Variants in SGMS1 observed in about 807,000 individuals in gnomAD.
The protein encoded by SGMS1 is sphingomyelin synthase 1.
Under a neutral mutation model 46.2 loss-of-function variants are expected in SGMS1, and 13 were observed. That is an observed-to-expected ratio of 0.28 (90% CI 0.18 to 0.45). The LOEUF (loss-of-function observed/expected upper bound fraction) is 0.45, where lower values mean the gene tolerates loss of function less well. Among genes scored for constraint, SGMS1 ranks in the 20% least tolerant of loss-of-function variants. The probability of loss-of-function intolerance (pLI) is 1.00; values close to 1 mark genes in which losing one functional copy is unlikely to be tolerated. For missense variants in SGMS1, 324 were observed against 519.9 expected (o/e 0.62, Z 3.66); for synonymous variants, 203 against 187.8 (o/e 1.08, Z -0.66).
At chr10:50,624,539 A>T, upstream of SGMS1, 4 of 965,442 alleles carry the variant, frequency 4.1e-6, no homozygotes, top group Non-Finnish European at 4.9e-6. Flanking sequence ...ACGGAGGCGC[A>T]AGAGCTCTAA....
intron 3 of SGMS1, among the ~76,000 whole-genome samples, chr10:50,479,615 A>T (rs552023815): frequency 8.1e-4 from 124 of 152,226 alleles, no homozygotes; most frequent in African/African-American, 2.9e-3. Flanking sequence ...AATAGATTTC[A>T]TTGACAAATA....
intron 3 of SGMS1, among the ~76,000 whole-genome samples, chr10:50,514,067 C>CA (rs936575884): frequency 4.0e-5 from 6 of 151,438 alleles, no homozygotes; most frequent in East Asian, 1.9e-4. Flanking sequence ...CTGTGAGCAC[C>CA]AAAAAAAAGA....
chr10:50,479,068 C>T, intron 3 of SGMS1, among the ~76,000 whole-genome samples: 1 of 151,010 alleles, frequency 6.6e-6, no homozygotes, highest in Non-Finnish European at 1.5e-5. Context: ...ACCTTTGGTT[C>T]TTTGCTCCAG....
chr10:50,328,240 T>C (rs1050205394), intron 7 of SGMS1: 2 of 238,056 alleles, frequency 8.4e-6, no homozygotes, highest in African/African-American at 4.7e-5. Context: ...AAGAACATTC[T>C]TTCCCTCTCT....
At chr10:50,393,904 C>T (rs1382277721) in intron 6 of SGMS1, among the ~76,000 whole-genome samples, 1 of 152,162 alleles carries the variant, frequency 6.6e-6, no homozygotes, top group African/African-American at 2.4e-5. Context: ...TCGTGCAAGT[C>T]CTAGGGACAC....
chr10:50,446,831 T>C (rs576160815), intron 5 of SGMS1, among the ~76,000 whole-genome samples: 1 of 152,336 alleles, frequency 6.6e-6, no homozygotes. Flanking sequence ...TTGTACATTG[T>C]ATAAATTATA....
chr10:50,461,260 G>A (rs7922802), intron 4 of SGMS1, among the ~76,000 whole-genome samples: 36,631 of 151,944 alleles, frequency 0.24, 4,632 homozygotes, highest in East Asian at 0.32. Flanking sequence ...ATTTATAAAA[G>A]TGTCATGATC....
intron 3 of SGMS1, among the ~76,000 whole-genome samples, chr10:50,480,771 C>T (rs922541731): frequency 1.5e-4 from 23 of 152,036 alleles, no homozygotes; most frequent in Admixed American, 2.0e-4. Flanking sequence ...GAGTTCCTGT[C>T]GGGGGGCGGG....
Position 50,307,025 on chromosome 10 carries a change from A to G in SGMS1, c.*117T>C. On this transcript the variant is annotated 3_prime_UTR_variant, in exon 11 of 11. Coordinates refer to ENST00000361781, the MANE Select transcript of SGMS1 (RefSeq NM_147156.4). This position sits in a 1 kb window ranked among gnomAD's most constrained non-coding sequence, Gnocchi z 4.2. Reference sequence around the variant, plus strand: ...GCTGACCAGGTAACTCAATAGGTTAAGTCAAGGTAACCATTGAAAGATAAT... The same window carrying G: ...GCTGACCAGGTAACTCAATAGGTTAGGTCAAGGTAACCATTGAAAGATAAT... 9.8e-7 allele frequency: 1 copy of G among 1,024,504 alleles called. No individual in the cohort carries two copies. Among genetic ancestry groups the G allele is most frequent in the East Asian group, 2.6e-5 (1 of 39,142 alleles). The allele number at this position is 1,024,504 out of a possible 1,614,324, so 63.5% of individuals were successfully genotyped here. A position where few individuals can be genotyped will look rare whatever the true frequency, so the allele number is the denominator to read the frequency against.
chr10:50,570,493 T>G (rs1838327433), intron 2 of SGMS1, among the ~76,000 whole-genome samples: 2 of 152,274 alleles, frequency 1.3e-5, no homozygotes, highest in Admixed American at 6.5e-5. Context: ...ACATGTGAAA[T>G]TCTTTTTAAA....
chr10:50,363,486 C>T (rs1419173119), intron 6 of SGMS1, among the ~76,000 whole-genome samples: 1 of 152,168 alleles, frequency 6.6e-6, no homozygotes, highest in Non-Finnish European at 1.5e-5. Flanking sequence ...TCACTTTGTA[C>T]AGCTGAGCAA....
At chr10:50,494,763 G>A (rs572736460) in intron 3 of SGMS1, among the ~76,000 whole-genome samples, 5 of 152,224 alleles carry the variant, frequency 3.3e-5, no homozygotes, top group African/African-American at 9.6e-5. Context: ...AAGGCCGGGC[G>A]CGGTGGCTCA....
intron 2 of SGMS1, among the ~76,000 whole-genome samples, chr10:50,530,664 C>G (rs180720706): frequency 2.0e-5 from 3 of 150,514 alleles, no homozygotes; most frequent in African/African-American, 7.3e-5. Context: ...TTTTTTTTTT[C>G]TGTGCTGACA....
intron 7 of SGMS1, chr10:50,343,248 GCAT>G (rs960040094): frequency 2.8e-4 from 109 of 387,498 alleles, no homozygotes; most frequent in Middle Eastern, 1.4e-3. Flanking sequence ...TGAAAACAGA[GCAT>G]CATCTCTAAC....
intron 3 of SGMS1, among the ~76,000 whole-genome samples, chr10:50,497,483 G>A (rs952522476): frequency 6.6e-6 from 1 of 152,170 alleles, no homozygotes; most frequent in Non-Finnish European, 1.5e-5. Context: ...GAAGCCAAAA[G>A]GTAAGTGAGT....
intron 3 of SGMS1, among the ~76,000 whole-genome samples, chr10:50,482,513 C>T (rs761067810): frequency 6.6e-6 from 1 of 152,170 alleles, no homozygotes; most frequent in Non-Finnish European, 1.5e-5. Context: ...TTTGTCATCA[C>T]CAGGCCTGCC....
At chr10:50,505,849 C>T (rs2983372) in intron 3 of SGMS1, among the ~76,000 whole-genome samples, 128,676 of 152,062 alleles carry the variant, frequency 0.85, 54,600 homozygotes, top group East Asian at 1. Flanking sequence ...CAAAGCACAC[C>T]ATATCTGCGG....
intron 6 of SGMS1, among the ~76,000 whole-genome samples, chr10:50,393,610 T>C (rs1848806665): frequency 6.6e-6 from 1 of 152,018 alleles, no homozygotes; most frequent in South Asian, 2.1e-4. Context: ...TCCTAGTAAC[T>C]CCATTTCATA....
chr10:50,491,467 T>A (rs1397316588), intron 3 of SGMS1, among the ~76,000 whole-genome samples: 1 of 152,224 alleles, frequency 6.6e-6, no homozygotes, highest in East Asian at 1.9e-4. Context: ...GCAAAGTGAA[T>A]GGCTCCCATG....
Sources: gnomAD v4.1 joint callset for allele counts (sites outside exome capture counted in the v4.1 genomes callset) on GRCh38, gnomAD v4.1.1 for gene constraint, Gnocchi (gnomAD v3.1) non-coding constraint, MANE v1.5 for transcripts, NCBI Gene and HGNC (gene_info 2026-07-23, HGNC 2026-07-21) for gene names.